Variants in DDX17 observed in about 807,000 individuals in gnomAD.
DDX17 encodes the protein DEAD-box helicase 17, also known as probable ATP-dependent RNA helicase DDX17.
DDX17 carries 10 observed loss-of-function variants against 80.8 expected under a neutral mutation model. That is an observed-to-expected ratio of 0.12 (90% CI 0.08 to 0.21). DDX17 has a LOEUF of 0.21. Ranked by LOEUF, DDX17 falls within the 10% of genes least tolerant of loss-of-function variation. The pLI is 1.00. For synonymous variants in DDX17, 339 were observed against 336.2 expected, an observed-to-expected ratio of 1.01 and a Z score of -0.09; for missense variants, 586 against 957.4, an observed-to-expected ratio of 0.61 and a Z score of 5.12.
intron 11 of DDX17, 48 bp from the exon 12 acceptor site, chr22:38,488,163 A>G: frequency 6.2e-7 from 1 of 1,612,524 alleles, no homozygotes; most frequent in Non-Finnish European, 8.5e-7. Flanking sequence ...TGGCAGGGAA[A>G]GAGAAGGTAA....
At chr22:38,494,509 C>G in intron 8 of DDX17, 121 bp downstream of exon 8, 1 of 853,952 alleles carries the variant, frequency 1.2e-6, no homozygotes, top group South Asian at 1.8e-5. Flanking sequence ...TATCAGAAAC[C>G]TAGCAATGCT....
intron 1 of DDX17, among the ~76,000 whole-genome samples, chr22:38,502,339 G>A (rs949791356): frequency 1.7e-4 from 26 of 151,478 alleles, no homozygotes; most frequent in Admixed American, 1.3e-3. Context: ...GCTGGAACTC[G>A]GAAGGCGGAG....
chr22:38,500,530 T>A (rs1475380162), intron 2 of DDX17, among the ~76,000 whole-genome samples: 3 of 151,570 alleles, frequency 2.0e-5, no homozygotes, highest in African/African-American at 7.3e-5. Context: ...AAAAAGAGGC[T>A]GGGCGTGGTG....
intron 11 of DDX17, chr22:38,490,433 G>C (rs2089701854): frequency 7.8e-7 from 1 of 1,289,152 alleles, no homozygotes; most frequent in Non-Finnish European, 1.0e-6. Context: ...TGATATCAAA[G>C]CTTCTGTTAA....
chr22:38,505,785 C>T lies in DDX17; in HGVS notation c.287+166G>A, dbSNP rs969187176. The T allele has an allele frequency of 8.6e-5, 76 of 880,474 alleles. No homozygotes were observed. The African/African-American group carries it at 1.3e-3, about 15-fold the overall frequency. The allele number at this position is 880,474 out of a possible 1,614,324, so 54.5% of individuals were successfully genotyped here. A position where few individuals can be genotyped will look rare whatever the true frequency, so the allele number is the denominator to read the frequency against. ...GCCGCCCTCCTCGGGTCCCGAGTGA[C>T]CCCGGGGCCGAGGTCCGCGCACGAA... is the stretch of plus-strand genomic sequence containing the variant. On this transcript the variant is annotated intron_variant, in intron 1 of 12. Coordinates refer to ENST00000403230, the MANE Select transcript of DDX17 (RefSeq NM_006386.5).
At chr22:38,495,461 G>A (rs918122137) in intron 6 of DDX17, among the ~76,000 whole-genome samples, 1 of 152,106 alleles carries the variant, frequency 6.6e-6, no homozygotes, top group Non-Finnish European at 1.5e-5. Context: ...TAGCCAGGAT[G>A]GTCCCAATCT....
At chr22:38,490,424 GAT>G in intron 11 of DDX17, 2 of 1,289,304 alleles carry the variant, frequency 1.6e-6, no homozygotes, top group Non-Finnish European at 2.0e-6. Context: ...ATCTGCAGCT[GAT>G]ATCAAAGCTT....
At chr22:38,493,174 G>C (rs560153372) in intron 10 of DDX17, among the ~76,000 whole-genome samples, 1 of 152,108 alleles carries the variant, frequency 6.6e-6, no homozygotes, top group African/African-American at 2.4e-5. Context: ...AATAAATATT[G>C]TCTGAACATA....
At chr22:38,491,634 C>G (rs1434182031) in intron 11 of DDX17, 1 of 159,102 alleles carries the variant, frequency 6.3e-6, no homozygotes, top group Non-Finnish European at 1.4e-5. Flanking sequence ...CTGTATATAT[C>G]TAGCTTAGAC....
chr22:38,490,057 GC>G, intron 11 of DDX17: 1 of 1,069,692 alleles, frequency 9.3e-7, no homozygotes, highest in Non-Finnish European at 1.1e-6. Flanking sequence ...TCAATAGAGG[GC>G]AGACATGATG....
intron 1 of DDX17, among the ~76,000 whole-genome samples, chr22:38,503,152 A>G (rs1338686461): frequency 1.3e-5 from 2 of 152,212 alleles, no homozygotes; most frequent in Non-Finnish European, 2.9e-5. Flanking sequence ...TGTCAGCGAC[A>G]TATTTAATAT....
chr22:38,498,824 C>T (rs1353811155), intron 3 of DDX17, among the ~76,000 whole-genome samples: 1 of 152,150 alleles, frequency 6.6e-6, no homozygotes, highest in Non-Finnish European at 1.5e-5. Flanking sequence ...CCAGACCAGC[C>T]TGGTCAACAT....
intron 1 of DDX17, among the ~76,000 whole-genome samples, chr22:38,502,690 G>C (rs1294916011): frequency 6.6e-6 from 1 of 152,160 alleles, no homozygotes; most frequent in Non-Finnish European, 1.5e-5. Context: ...ACTTTTCCTA[G>C]AAGAATCTTA....
At chr22:38,488,198 A>G in intron 11 of DDX17, 83 bp from the exon 12 acceptor site, 1 of 1,607,428 alleles carries the variant, frequency 6.2e-7, no homozygotes. Context: ...ACAGGTGGGA[A>G]GCACGAATGC....
At position 38,484,302 on chromosome 22, in the gene DDX17, G is replaced by A. The variant is rs1211761694; in HGVS notation, c.*1633C>T. ...AAGAAAGTGGAAAATTAAAAAAAAA[G>A]ATGTCAAAGTTTTTACATGCATATA... On this transcript the variant is annotated 3_prime_UTR_variant, in exon 13 of 13. Coordinates refer to ENST00000403230, the MANE Select transcript of DDX17 (RefSeq NM_006386.5). 1.3e-5 allele frequency: 2 copies of A among 152,356 alleles called. No individual in the cohort carries two copies. The highest frequency in any genetic ancestry group is 2.4e-5 in the African/African-American group (1 of 41,402). The allele number at this position is 152,356 out of a possible 1,614,324, so 9.4% of individuals were successfully genotyped here.
At position 38,506,124 on chromosome 22, in the gene DDX17, A is replaced by C; in HGVS notation, c.114T>G (p.Ala38=). 1 of 1,578,034 alleles carries C rather than the reference A, an allele frequency of 6.3e-7. No individual in the cohort carries two copies. The highest frequency in any genetic ancestry group is 8.6e-7 in the Non-Finnish European group (1 of 1,163,150). Residue 38 remains alanine, a synonymous_variant, in exon 1 of 13, where the codon GCT becomes GCG. Coordinates refer to ENST00000403230, the MANE Select transcript of DDX17 (RefSeq NM_006386.5). ...CCGCTGTTGGGGCGGCGGCAGGCGC[A>C]GCGCTCTCTCGCTCCGACGCGCTGT...
At chr22:38,490,673 T>G (rs975185384) in intron 11 of DDX17, 1 of 331,858 alleles carries the variant, frequency 3.0e-6, no homozygotes, top group Non-Finnish European at 5.8e-6. Context: ...CACCCCTGTC[T>G]ATGAGGTAGA....
intron 1 of DDX17, among the ~76,000 whole-genome samples, chr22:38,503,305 A>G (rs2089848751): frequency 6.6e-6 from 1 of 152,214 alleles, no homozygotes; most frequent in African/African-American, 2.4e-5. Context: ...GCAAATTATA[A>G]AAGACTTCAT....
intron 7 of DDX17, 25 bp from the exon 8 acceptor site, chr22:38,494,827 T>C: frequency 6.2e-7 from 1 of 1,614,062 alleles, no homozygotes; most frequent in Non-Finnish European, 8.5e-7. Flanking sequence ...AAGGCTTTCT[T>C]TCAGGCTAAG....
Sources: allele counts gnomAD v4.1 joint callset (sites outside exome capture counted in the v4.1 genomes callset), GRCh38; gene constraint gnomAD v4.1.1; transcripts MANE v1.5; gene names NCBI Gene and HGNC (gene_info 2026-07-23, HGNC 2026-07-21).